The following GALNT13 variants were observed in gnomAD, a reference collection of about 807,000 sequenced individuals.
GALNT13 encodes polypeptide N-acetylgalactosaminyltransferase 13.
GALNT13 carries 28 observed loss-of-function variants against 64.2 expected under a neutral mutation model. The observed-to-expected ratio is 0.44, with a 90% CI of 0.32 to 0.60. The LOEUF is 0.60. Among genes scored for constraint, GALNT13 ranks in the 20% least tolerant of loss-of-function variants. GALNT13 has a pLI of 0.05. For synonymous variants in GALNT13, 214 were observed against 224.6 expected, an observed-to-expected ratio of 0.95 and a Z score of 0.42; for missense variants, 577 against 669.8, an observed-to-expected ratio of 0.86 and a Z score of 1.53.
intron 3 of GALNT13, among the ~76,000 whole-genome samples, chr2:154,053,382 C>CT (rs56954157): frequency 1.8e-4 from 27 of 150,000 alleles, no homozygotes; most frequent in South Asian, 6.4e-4. Context: ...CTTCACTTAA[C>CT]TTTTTTTTTT....
At chr2:153,896,790 T>C (rs1212396561) in intron 1 of GALNT13, among the ~76,000 whole-genome samples, 1 of 152,152 alleles carries the variant, frequency 6.6e-6, no homozygotes, top group Admixed American at 6.6e-5. Context: ...TTAAAAATAC[T>C]TTCTCGATAT....
At chr2:153,866,320 A>G in the GALNT13 span, among the ~76,000 whole-genome samples, 1 of 151,648 alleles carries the variant, frequency 6.6e-6, no homozygotes, top group African/African-American at 2.4e-5. Flanking sequence ...ATAAAAAAAA[A>G]TAAATGGTTG....
At chr2:153,633,912 A>G in the GALNT13 span, among the ~76,000 whole-genome samples, 1 of 152,228 alleles carries the variant, frequency 6.6e-6, no homozygotes, top group Non-Finnish European at 1.5e-5. Flanking sequence ...AGAACTGTCA[A>G]TCTTTTCTTT....
the GALNT13 span, among the ~76,000 whole-genome samples, chr2:153,674,233 C>T: frequency 1.3e-4 from 20 of 152,172 alleles, no homozygotes; most frequent in East Asian, 5.8e-4. Context: ...AAAAAGAGCC[C>T]GCATTGCCAA....
the GALNT13 span, among the ~76,000 whole-genome samples, chr2:153,522,334 A>G: frequency 6.6e-6 from 1 of 151,710 alleles, no homozygotes; most frequent in African/African-American, 2.4e-5. Flanking sequence ...CTCTGTCTCA[A>G]GGAGAAAAAA....
At chr2:154,456,044 G>A (rs1702028163), downstream of GALNT13, among the ~76,000 whole-genome samples, 1 of 151,886 alleles carries the variant, frequency 6.6e-6, no homozygotes, top group Non-Finnish European at 1.5e-5. Flanking sequence ...TTCCATTGGT[G>A]TGAAAACGAA....
chr2:153,943,749 T>A (rs947815288), intron 2 of GALNT13, among the ~76,000 whole-genome samples: 1 of 152,142 alleles, frequency 6.6e-6, no homozygotes, highest in Non-Finnish European at 1.5e-5. Context: ...CCTGCCTCGA[T>A]CTCTCAAAGT....
At chr2:154,128,284 T>C (rs1308629291) in intron 3 of GALNT13, among the ~76,000 whole-genome samples, 1 of 152,104 alleles carries the variant, frequency 6.6e-6, no homozygotes, top group South Asian at 2.1e-4. Context: ...TTGTTTTGAA[T>C]TTTTTAGTTC....
At chr2:153,530,672 CA>C in the GALNT13 span, among the ~76,000 whole-genome samples, 6 of 149,772 alleles carry the variant, frequency 4.0e-5, no homozygotes, top group African/African-American at 7.3e-5. Context: ...CAAAACAGAA[CA>C]AAAAAAAATC....
At chr2:154,319,690 T>C (rs944652021) in intron 9 of GALNT13, among the ~76,000 whole-genome samples, 3 of 151,910 alleles carry the variant, frequency 2.0e-5, no homozygotes, top group African/African-American at 7.2e-5. Context: ...TATTTCTTAA[T>C]AATGTGATCC....
At chr2:153,546,741 C>A in the GALNT13 span, among the ~76,000 whole-genome samples, 1 of 152,148 alleles carries the variant, frequency 6.6e-6, no homozygotes, top group Non-Finnish European at 1.5e-5. Flanking sequence ...TCAATAACCA[C>A]AATGTAATTT....
chr2:153,330,494 A>G, the GALNT13 span, among the ~76,000 whole-genome samples: 1 of 152,070 alleles, frequency 6.6e-6, no homozygotes, highest in African/African-American at 2.4e-5. Flanking sequence ...CCTAGGTTAG[A>G]TGTATTCCTA....
At chr2:153,957,151 T>G (rs1245821532) in intron 3 of GALNT13, among the ~76,000 whole-genome samples, 2 of 152,208 alleles carry the variant, frequency 1.3e-5, no homozygotes, top group African/African-American at 4.8e-5. Flanking sequence ...TATATATGCC[T>G]AAACAAACAC....
chr2:153,835,313 A>C, the GALNT13 span, among the ~76,000 whole-genome samples: 1 of 152,106 alleles, frequency 6.6e-6, no homozygotes, highest in African/African-American at 2.4e-5. Flanking sequence ...ACTCACATGC[A>C]AGATAGATAG....
intron 4 of GALNT13, among the ~76,000 whole-genome samples, chr2:154,173,557 A>G (rs1685484372): frequency 6.6e-6 from 1 of 152,006 alleles, no homozygotes; most frequent in South Asian, 2.1e-4. Flanking sequence ...AAATGAGATA[A>G]CAAAGCTAAA....
the GALNT13 span, among the ~76,000 whole-genome samples, chr2:153,679,888 T>A: frequency 4.6e-5 from 7 of 151,892 alleles, no homozygotes; most frequent in African/African-American, 1.7e-4. Context: ...GTGTCTTCAA[T>A]GAGTCTTGCT....
intron 3 of GALNT13, among the ~76,000 whole-genome samples, chr2:154,126,647 A>AC (rs1161423341): frequency 2.0e-5 from 3 of 151,770 alleles, no homozygotes; most frequent in Non-Finnish European, 4.4e-5. Flanking sequence ...AAAAACAAAA[A>AC]AAAAAAACAA....
At chr2:153,934,758 A>G (rs1440593158) in intron 2 of GALNT13, among the ~76,000 whole-genome samples, 1 of 152,196 alleles carries the variant, frequency 6.6e-6, no homozygotes, top group East Asian at 1.9e-4. Context: ...AAAAAGACCA[A>G]TAACCTTAGA....
chr2:154,143,017 A>G (rs920150023), intron 4 of GALNT13, among the ~76,000 whole-genome samples: 1 of 152,112 alleles, frequency 6.6e-6, no homozygotes, highest in Non-Finnish European at 1.5e-5. Context: ...AGTATGCTGT[A>G]GTGCAATGGT....
Sources: gnomAD v4.1 joint callset for allele counts (sites outside exome capture counted in the v4.1 genomes callset) on GRCh38, gnomAD v4.1.1 for gene constraint, MANE v1.5 for transcripts, NCBI Gene and HGNC (gene_info 2026-07-23, HGNC 2026-07-21) for gene names.